Variants in BTRC observed in about 807,000 individuals in gnomAD.
BTRC encodes the protein F-box/WD repeat-containing protein 1A.
Under a neutral mutation model 85.5 loss-of-function variants are expected in BTRC, and 42 were observed. The observed-to-expected ratio is 0.49, with a 90% CI of 0.38 to 0.64. The LOEUF (loss-of-function observed/expected upper bound fraction) is 0.64. BTRC is among the 30% of genes least tolerant of loss of function. BTRC has a pLI of 0.00. For missense variants in BTRC, 594 were observed against 743.5 expected, an observed-to-expected ratio of 0.80 and a Z score of 2.34; for synonymous variants, 255 against 263.3, an observed-to-expected ratio of 0.97 and a Z score of 0.30.
chr10:101,368,141 C>T (rs1942524363), intron 1 of BTRC, among the ~76,000 whole-genome samples: 2 of 152,170 alleles, frequency 1.3e-5, no homozygotes, highest in Non-Finnish European at 2.9e-5. Context: ...TGGTGCCATC[C>T]TTTTGGAAAT....
intron 1 of BTRC, among the ~76,000 whole-genome samples, chr10:101,374,877 G>A (rs946757566): frequency 6.6e-6 from 1 of 152,152 alleles, no homozygotes; most frequent in Non-Finnish European, 1.5e-5. Context: ...AAATTGTTAT[G>A]TGAGAGAAAT....
At chr10:101,499,011 AAATAAT>A (rs991241928) in intron 4 of BTRC, among the ~76,000 whole-genome samples, 1 of 152,052 alleles carries the variant, frequency 6.6e-6, no homozygotes, top group Non-Finnish European at 1.5e-5. Flanking sequence ...AAACAGAAAA[AAATAAT>A]AATAATAGCC....
rs200464364 is a variant in BTRC at position 101,549,431 on chromosome 10, T to TA, written c.1657-1260dup. On this transcript the variant is annotated intron_variant, in intron 13 of 14. Coordinates refer to ENST00000370187, the MANE Select transcript of BTRC (RefSeq NM_033637.4). The stretch of plus-strand genomic sequence containing the variant: ...AGGTGACAAAACAAGACTCTGTCTC[T>TA]AAAAAAAATGATGATGATGACACCT... Among the ~76,000 whole-genome samples, 1,334 of 150,980 alleles carry TA rather than the reference T, an allele frequency of 8.8e-3. 19 individuals are homozygous for TA. Among genetic ancestry groups the TA allele is most frequent in the African/African-American group, 0.031 (1,257 of 41,086 alleles).
intron 6 of BTRC, among the ~76,000 whole-genome samples, chr10:101,530,561 T>C (rs1474372972): frequency 1.3e-5 from 2 of 152,026 alleles, no homozygotes; most frequent in Non-Finnish European, 2.9e-5. Flanking sequence ...ACTAACAAAA[T>C]TTCCAAAAGA....
chr10:101,514,739 C>T (rs1383166279), intron 4 of BTRC, among the ~76,000 whole-genome samples: 2 of 152,096 alleles, frequency 1.3e-5, no homozygotes, highest in African/African-American at 2.4e-5. Context: ...AGGCATGAGC[C>T]ACCGTGCCTG....
chr10:101,541,323 G>A (rs897846125), intron 13 of BTRC, among the ~76,000 whole-genome samples: 24 of 151,732 alleles, frequency 1.6e-4, no homozygotes, highest in Non-Finnish European at 2.4e-4. Context: ...GCAGTGGCGC[G>A]ATCTCAGCGC....
intron 1 of BTRC, among the ~76,000 whole-genome samples, chr10:101,356,514 C>A (rs1185245930): frequency 6.6e-6 from 1 of 152,182 alleles, no homozygotes; most frequent in Non-Finnish European, 1.5e-5. Context: ...TTGGAGATGA[C>A]CATATAGTAG....
chr10:101,502,011 A>G (rs991606540), intron 4 of BTRC, among the ~76,000 whole-genome samples: 5 of 152,342 alleles, frequency 3.3e-5, no homozygotes, highest in Admixed American at 6.5e-5. Context: ...TCTCTGGTCT[A>G]TGAAACCCCA....
rs57925473 is a variant in BTRC, at chr10:101,359,604, A to AT, written c.48+5389dup. Among the ~76,000 whole-genome samples the AT allele has an allele frequency of 1.5e-3, 208 of 137,896 alleles. 1 individual carries two copies. Among genetic ancestry groups the AT allele is most frequent in the East Asian group, 4.0e-3 (19 of 4,726 alleles). The allele number at this position is 137,896 out of a possible 152,430, so 90.5% of individuals were successfully genotyped here. ...CACCTTGCCTGGCTAATTTTGTTGT[A>AT]TTTTTTTTTTTTTGAGATGGAGTTT... On this transcript the variant is annotated intron_variant, in intron 1 of 14. Coordinates refer to ENST00000370187, the MANE Select transcript of BTRC (RefSeq NM_033637.4).
intron 1 of BTRC, among the ~76,000 whole-genome samples, chr10:101,404,424 C>T (rs1943569900): frequency 6.6e-6 from 1 of 151,968 alleles, no homozygotes; most frequent in South Asian, 2.1e-4. Flanking sequence ...TGAAGTTTTC[C>T]CCTTTTTAGT....
chr10:101,522,196 A>T (rs1483424914), intron 5 of BTRC, among the ~76,000 whole-genome samples: 1 of 147,434 alleles, frequency 6.8e-6, no homozygotes, highest in East Asian at 2.0e-4. Context: ...GCCCGCCACC[A>T]CACTGGGCTA....
chr10:101,512,030 C>G (rs1161028090), intron 4 of BTRC, among the ~76,000 whole-genome samples: 1 of 152,208 alleles, frequency 6.6e-6, no homozygotes, highest in African/African-American at 2.4e-5. Context: ...TATATATGTT[C>G]TTTCTCCACT....
chr10:101,355,525 A>C (rs137897352), intron 1 of BTRC, among the ~76,000 whole-genome samples: 1 of 152,318 alleles, frequency 6.6e-6, no homozygotes, highest in African/African-American at 2.4e-5. Context: ...CTAAAGAATG[A>C]TGGAATGCAT....
chr10:101,362,625 C>T (rs1235836008), intron 1 of BTRC, among the ~76,000 whole-genome samples: 1 of 151,776 alleles, frequency 6.6e-6, no homozygotes, highest in East Asian at 1.9e-4. Context: ...GAACTCCCGA[C>T]CTTAGGTGAT....
intron 1 of BTRC, among the ~76,000 whole-genome samples, chr10:101,366,860 T>TTAA (rs1564729963): frequency 6.7e-4 from 17 of 25,390 alleles, no homozygotes; most frequent in African/African-American, 1.6e-3. Flanking sequence ...TAATATATAT[T>TTAA]TATATATTAA....
chr10:101,411,259 G>A (rs1405048195), intron 1 of BTRC, among the ~76,000 whole-genome samples: 1 of 151,988 alleles, frequency 6.6e-6, no homozygotes, highest in African/African-American at 2.4e-5. Context: ...CTCCCAAAGT[G>A]CTGGGATTAC....
At chr10:101,365,964 G>C (rs1942361949) in intron 1 of BTRC, among the ~76,000 whole-genome samples, 1 of 152,124 alleles carries the variant, frequency 6.6e-6, no homozygotes. Flanking sequence ...CTGAGCTCCA[G>C]TTTTCTTAAC....
At chr10:101,354,315 G>C (rs977050954) in intron 1 of BTRC, 87 bp downstream of exon 1, 15 of 1,443,326 alleles carry the variant, frequency 1.0e-5, no homozygotes, top group African/African-American at 1.5e-5. Flanking sequence ...CTGCGGGACC[G>C]GGCAGCGGGA....
At chr10:101,367,218 G>A (rs887344378) in intron 1 of BTRC, among the ~76,000 whole-genome samples, 2 of 147,606 alleles carry the variant, frequency 1.4e-5, no homozygotes, top group African/African-American at 2.5e-5. Flanking sequence ...CTACATGCGC[G>A]CACCACCACG....
Sources: allele counts gnomAD v4.1 joint callset (sites outside exome capture counted in the v4.1 genomes callset), GRCh38; gene constraint gnomAD v4.1.1; transcripts MANE v1.5; gene names NCBI Gene and HGNC (gene_info 2026-07-23, HGNC 2026-07-21).